The following FAM193A variants were observed in gnomAD, a reference collection of about 807,000 sequenced individuals.
FAM193A encodes protein FAM193A.
FAM193A carries 22 observed loss-of-function variants against 126.5 expected under a neutral mutation model. The observed-to-expected ratio is 0.17, with a 90% CI of 0.12 to 0.25. FAM193A has a LOEUF of 0.25. Among genes scored for constraint, FAM193A ranks in the 10% least tolerant of loss-of-function variants. The pLI is 1.00. For missense variants in FAM193A, 1,675 were observed against 1,672.8 expected, an observed-to-expected ratio of 1.00 and a Z score of -0.02; for synonymous variants, 761 against 646.8, an observed-to-expected ratio of 1.18 and a Z score of -2.68.
intron 1 of FAM193A, among the ~76,000 whole-genome samples, chr4:2,573,874 A>G (rs906329374): frequency 6.6e-6 from 1 of 152,060 alleles, no homozygotes; most frequent in Non-Finnish European, 1.5e-5. Context: ...TCTTTGTTTT[A>G]TCTGGGGGAA....
intron 13 of FAM193A, among the ~76,000 whole-genome samples, chr4:2,687,655 G>A (rs1715891152): frequency 6.6e-6 from 1 of 152,166 alleles, no homozygotes; most frequent in South Asian, 2.1e-4. Flanking sequence ...CACCTTCACT[G>A]CCATTGCTTC....
At chr4:2,568,456 G>A (rs1348415163) in intron 1 of FAM193A, among the ~76,000 whole-genome samples, 3 of 152,174 alleles carry the variant, frequency 2.0e-5, no homozygotes, top group Admixed American at 6.6e-5. Flanking sequence ...GGAGTTGCAG[G>A]CTACAGTGAG....
At chr4:2,608,064 A>G (rs1335935552) in intron 2 of FAM193A, 3 of 1,609,920 alleles carry the variant, frequency 1.9e-6, no homozygotes, top group Non-Finnish European at 2.5e-6. Flanking sequence ...TGCAGAGTGT[A>G]AGGTGAAGCC....
intron 7 of FAM193A, among the ~76,000 whole-genome samples, chr4:2,649,526 G>A (rs1745463434): frequency 6.6e-6 from 1 of 151,954 alleles, no homozygotes; most frequent in Non-Finnish European, 1.5e-5. Context: ...ACAAAAATTA[G>A]CCTGCCATGG....
intron 2 of FAM193A, among the ~76,000 whole-genome samples, chr4:2,598,796 G>A (rs374083336): frequency 1.3e-5 from 2 of 152,204 alleles, no homozygotes; most frequent in East Asian, 1.9e-4. Flanking sequence ...AGCACTGTGC[G>A]TGCTCGTGTG....
chr4:2,604,086 G>T lies in FAM193A; in HGVS notation c.501+7757G>T, dbSNP rs145474961. ...TCAAACTCCTGACCTCAGGTGATCCGCCCGCCTCACCCTCCCAACTTGCTG... is the reference window on the plus strand; with the variant it reads ...TCAAACTCCTGACCTCAGGTGATCCTCCCGCCTCACCCTCCCAACTTGCTG... On this transcript the variant is annotated intron_variant, in intron 2 of 20. Coordinates refer to ENST00000637812, the MANE Select transcript of FAM193A (RefSeq NM_001366318.2). Among the ~76,000 whole-genome samples, 66 of 151,882 alleles carry T rather than the reference G, an allele frequency of 4.3e-4. No individual in the cohort carries two copies. In the East Asian group the frequency reaches 6.2e-3, roughly 14 times the overall value.
At chr4:2,586,305 G>C (rs1303272110) in intron 1 of FAM193A, among the ~76,000 whole-genome samples, 1 of 151,946 alleles carries the variant, frequency 6.6e-6, no homozygotes, top group Non-Finnish European at 1.5e-5. Context: ...ATGCTTTAGT[G>C]CTTTTGGTGT....
intron 20 of FAM193A, among the ~76,000 whole-genome samples, chr4:2,718,182 G>A (rs1327139484): frequency 6.6e-6 from 1 of 151,710 alleles, no homozygotes; most frequent in Non-Finnish European, 1.5e-5. Flanking sequence ...GGAGATAAGA[G>A]AGATAATGAA....
intron 13 of FAM193A, among the ~76,000 whole-genome samples, chr4:2,677,182 C>T (rs943479196): frequency 2.0e-5 from 3 of 152,090 alleles, no homozygotes; most frequent in Admixed American, 6.6e-5. Flanking sequence ...TCAGTTGTAC[C>T]AGTACCATTT....
intron 3 of FAM193A, among the ~76,000 whole-genome samples, chr4:2,625,924 A>G (rs1742919399): frequency 6.6e-6 from 1 of 151,992 alleles, no homozygotes; most frequent in African/African-American, 2.4e-5. Flanking sequence ...GGGCTTCGCC[A>G]TGTTGCCCAG....
chr4:2,719,955 A>AT, intron 20 of FAM193A: 3 of 307,886 alleles, frequency 9.7e-6, no homozygotes, highest in South Asian at 2.4e-5. Context: ...ATGCCTGGCT[A>AT]ATTTTTTTTT....
At chr4:2,644,204 A>T (rs559632786) in intron 6 of FAM193A, among the ~76,000 whole-genome samples, 1 of 152,302 alleles carries the variant, frequency 6.6e-6, no homozygotes, top group African/African-American at 2.4e-5. Context: ...ACCAACAAAG[A>T]TATCCACAAA....
At chr4:2,709,151 T>A (rs1718645040) in intron 19 of FAM193A, among the ~76,000 whole-genome samples, 1 of 152,192 alleles carries the variant, frequency 6.6e-6, no homozygotes, top group Non-Finnish European at 1.5e-5. Context: ...TTCTAGCATC[T>A]GTGGAGATAA....
intron 19 of FAM193A, chr4:2,708,315 G>A: frequency 3.3e-6 from 1 of 300,960 alleles, no homozygotes; most frequent in Non-Finnish European, 6.7e-6. Flanking sequence ...AGTAGAGATA[G>A]AGTTTCACCA....
chr4:2,635,676 G>C (rs2109013571), intron 5 of FAM193A, among the ~76,000 whole-genome samples: 1 of 152,282 alleles, frequency 6.6e-6, no homozygotes, highest in South Asian at 2.1e-4. Flanking sequence ...GGGATTACAG[G>C]TGCCTGCCAC....
At chr4:2,544,944 C>T (rs1737456110) in intron 1 of FAM193A, among the ~76,000 whole-genome samples, 1 of 151,850 alleles carries the variant, frequency 6.6e-6, no homozygotes, top group South Asian at 2.1e-4. Flanking sequence ...GTCGTTTCTA[C>T]TACTGATCTC....
At chr4:2,659,365 A>C (rs1181330942) in intron 8 of FAM193A, among the ~76,000 whole-genome samples, 193 bp from the exon 9 acceptor site, 1 of 152,008 alleles carries the variant, frequency 6.6e-6, no homozygotes, top group Non-Finnish European at 1.5e-5. Context: ...GTCTCCTGGT[A>C]CCCGAGCCCT....
At chr4:2,547,707 C>T (rs565314987) in intron 1 of FAM193A, among the ~76,000 whole-genome samples, 96 of 151,730 alleles carry the variant, frequency 6.3e-4, no homozygotes, top group Non-Finnish European at 1.2e-3. Context: ...CTCCCTGCAA[C>T]GTCTGCCTCC....
chr4:2,691,637 C>T (rs1391545951), intron 15 of FAM193A, among the ~76,000 whole-genome samples: 2 of 151,892 alleles, frequency 1.3e-5, no homozygotes, highest in East Asian at 1.9e-4. Flanking sequence ...CTAGCCAAAG[C>T]TGGGACAGAT....
Sources: allele counts gnomAD v4.1 joint callset (sites outside exome capture counted in the v4.1 genomes callset), GRCh38; gene constraint gnomAD v4.1.1; transcripts MANE v1.5; gene names NCBI Gene and HGNC (gene_info 2026-07-23, HGNC 2026-07-21).